Variants in SLC24A2 observed in about 807,000 individuals in gnomAD.
SLC24A2 encodes sodium/potassium/calcium exchanger 2.
SLC24A2 carries 36 observed loss-of-function variants against 62.0 expected under a neutral mutation model. The observed-to-expected ratio is 0.58, with a 90% CI of 0.44 to 0.77. The LOEUF is 0.77. SLC24A2 is among the 30% of genes least tolerant of loss of function. The pLI, the probability that SLC24A2 is intolerant of heterozygous loss-of-function variation, is 0.00. For missense variants in SLC24A2, 846 were observed against 817.9 expected, an observed-to-expected ratio of 1.03 and a Z score of -0.42; for synonymous variants, 358 against 294.0, an observed-to-expected ratio of 1.22 and a Z score of -2.23.
chr9:19,577,412 C>T (rs1836051385), intron 5 of SLC24A2, among the ~76,000 whole-genome samples: 2 of 152,138 alleles, frequency 1.3e-5, no homozygotes, highest in Non-Finnish European at 2.9e-5. Context: ...AAAGCCAAGC[C>T]CAGGGGTCCT....
the SLC24A2 span, among the ~76,000 whole-genome samples, chr9:20,111,479 T>C: frequency 4.1e-4 from 63 of 152,194 alleles, no homozygotes; most frequent in Admixed American, 3.8e-3. Context: ...AAATAAGCCC[T>C]TTATTAATCT....
chr9:20,306,034 A>G, the SLC24A2 span, among the ~76,000 whole-genome samples: 2 of 152,118 alleles, frequency 1.3e-5, no homozygotes, highest in African/African-American at 4.8e-5. Context: ...ACTTCGGTTT[A>G]AATAACTAAC....
chr9:19,787,864 T>C (rs1222306327), intron 1 of SLC24A2, among the ~76,000 whole-genome samples: 1 of 152,190 alleles, frequency 6.6e-6, no homozygotes, highest in African/African-American at 2.4e-5. Context: ...ACGCAAGTTG[T>C]AGCAATACCT....
rs550107108 is a variant in SLC24A2 at position 19,715,213 on chromosome 9, T to G, written c.930+70724A>C. ...ACAAAATACATTTTCATGAACAAGT[T>G]TGAGTGTTTTGTATAGTATTTGCAA... is the stretch of plus-strand genomic sequence containing the variant. On this transcript the variant is annotated intron_variant, in intron 2 of 10. Coordinates refer to ENST00000341998, the MANE Select transcript of SLC24A2 (RefSeq NM_020344.4). Among the ~76,000 whole-genome samples, 164 of 152,284 alleles carry G rather than the reference T, an allele frequency of 1.1e-3. 1 individual carries two copies. In the South Asian group the frequency reaches 0.015, roughly 13 times the overall value.
At chr9:19,947,814 AAGAAAGAAAGAAAG>A in the SLC24A2 span, among the ~76,000 whole-genome samples, 2 of 101,108 alleles carry the variant, frequency 2.0e-5, no homozygotes, top group Non-Finnish European at 4.7e-5. Flanking sequence ...AAAAAAAAGA[AAGAAAGAAAGAAAG>A]AAAGAAAGAA....
chr9:20,093,405 T>G, the SLC24A2 span, among the ~76,000 whole-genome samples: 1 of 152,172 alleles, frequency 6.6e-6, no homozygotes, highest in Non-Finnish European at 1.5e-5. Context: ...TTAGTCTCCT[T>G]TTCTTTTTAT....
chr9:20,226,996 C>T, the SLC24A2 span, among the ~76,000 whole-genome samples: 2 of 152,174 alleles, frequency 1.3e-5, no homozygotes, highest in Admixed American at 6.6e-5. Flanking sequence ...CTTCCTTGTC[C>T]GTCCCAAATC....
At chr9:19,974,758 A>G in the SLC24A2 span, among the ~76,000 whole-genome samples, 13 of 152,346 alleles carry the variant, frequency 8.5e-5, no homozygotes, top group East Asian at 2.5e-3. Context: ...CATATTAACC[A>G]GCTCACAGAG....
chr9:19,941,038 G>C, the SLC24A2 span, among the ~76,000 whole-genome samples: 1 of 152,206 alleles, frequency 6.6e-6, no homozygotes, highest in Non-Finnish European at 1.5e-5. Flanking sequence ...CTGGCTGAAA[G>C]CTGCCATAAA....
chr9:20,251,460 G>A, the SLC24A2 span, among the ~76,000 whole-genome samples: 1 of 152,162 alleles, frequency 6.6e-6, no homozygotes, highest in East Asian at 1.9e-4. Flanking sequence ...TAAGTAGGGA[G>A]GCTATGTACA....
chr9:19,526,830 C>G (rs1833467415), intron 9 of SLC24A2, among the ~76,000 whole-genome samples: 1 of 145,338 alleles, frequency 6.9e-6, no homozygotes, highest in Admixed American at 7.3e-5. Context: ...TCCTGAAGAG[C>G]AAAAGTTTTA....
chr9:19,631,708 A>G (rs1278826923), intron 2 of SLC24A2, among the ~76,000 whole-genome samples: 1 of 152,168 alleles, frequency 6.6e-6, no homozygotes, highest in Non-Finnish European at 1.5e-5. Flanking sequence ...ATGAGGCACA[A>G]AAGAATTGAG....
At chr9:19,895,915 A>G in the SLC24A2 span, 1 of 1,613,174 alleles carries the variant, frequency 6.2e-7, no homozygotes, top group African/African-American at 1.3e-5. Context: ...AAATTCTAAC[A>G]TCCTCCTCAT....
chr9:19,658,797 C>T (rs898736541), intron 2 of SLC24A2, among the ~76,000 whole-genome samples: 1 of 152,120 alleles, frequency 6.6e-6, no homozygotes, highest in African/African-American at 2.4e-5. Flanking sequence ...TTTCTTAGCT[C>T]CCTTCTGTCT....
At chr9:19,735,483 T>G (rs1404893704) in intron 2 of SLC24A2, among the ~76,000 whole-genome samples, 1 of 152,094 alleles carries the variant, frequency 6.6e-6, no homozygotes, top group Admixed American at 6.6e-5. Flanking sequence ...GAAATACCAT[T>G]TGACCCAGCC....
At chr9:19,783,597 G>A (rs1823077261) in intron 2 of SLC24A2, among the ~76,000 whole-genome samples, 1 of 152,112 alleles carries the variant, frequency 6.6e-6, no homozygotes, top group Non-Finnish European at 1.5e-5. Flanking sequence ...TCAGAGATGT[G>A]ATTATGTTCA....
At chr9:19,855,048 C>T in the SLC24A2 span, among the ~76,000 whole-genome samples, 16 of 152,072 alleles carry the variant, frequency 1.1e-4, no homozygotes, top group South Asian at 1.2e-3. Context: ...ATGTAATGCC[C>T]TCCTTTGTCT....
the SLC24A2 span, among the ~76,000 whole-genome samples, chr9:19,915,147 C>G: frequency 6.6e-6 from 1 of 152,066 alleles, no homozygotes; most frequent in Non-Finnish European, 1.5e-5. Context: ...ATGAATTTAC[C>G]TATTTTGGAT....
chr9:19,687,525 C>G (rs1355396531), intron 2 of SLC24A2, among the ~76,000 whole-genome samples: 1 of 152,076 alleles, frequency 6.6e-6, no homozygotes, highest in African/African-American at 2.4e-5. Flanking sequence ...GAAAATGTTT[C>G]CTGACTTCCT....
Sources: allele counts gnomAD v4.1 joint callset (sites outside exome capture counted in the v4.1 genomes callset), GRCh38; gene constraint gnomAD v4.1.1; transcripts MANE v1.5; gene names NCBI Gene and HGNC (gene_info 2026-07-23, HGNC 2026-07-21).